The following DNAH14 variants were observed in gnomAD, a reference collection of about 807,000 sequenced individuals.
The protein encoded by DNAH14 is dynein axonemal heavy chain 14.
Under a neutral mutation model 520.9 loss-of-function variants are expected in DNAH14, and 478 were observed. That is an observed-to-expected ratio of 0.92 (90% CI 0.85 to 0.99). The LOEUF (loss-of-function observed/expected upper bound fraction) is 0.99. DNAH14 is among the 50% of genes least tolerant of loss of function. The pLI is 0.00. For missense variants in DNAH14, 4,831 were observed against 5,234.5 expected (o/e 0.92, Z 2.38); for synonymous variants, 1,581 against 1,757.2 (o/e 0.90, Z 2.51).
chr1:225,190,802 A>T (rs543186734), intron 37 of DNAH14, among the ~76,000 whole-genome samples: 2 of 152,126 alleles, frequency 1.3e-5, no homozygotes, highest in South Asian at 4.1e-4. Flanking sequence ...TAACAACTTC[A>T]TCTTAGACTT....
chr1:225,015,437 CCT>C (rs1431344006), intron 10 of DNAH14, among the ~76,000 whole-genome samples: 3 of 152,070 alleles, frequency 2.0e-5, no homozygotes, highest in Non-Finnish European at 4.4e-5. Flanking sequence ...GATTGATTTG[CCT>C]CTCTCCTTTG....
intron 58 of DNAH14, among the ~76,000 whole-genome samples, chr1:225,305,481 C>A (rs2150094337): frequency 6.6e-6 from 1 of 152,256 alleles, no homozygotes; most frequent in South Asian, 2.1e-4. Context: ...AGTTTTATAG[C>A]CAGCAGTGGT....
rs144502274 is a variant in DNAH14, at chr1:225,239,415, C to T, written c.6519-1178C>T. Among the ~76,000 whole-genome samples, 217 of 152,214 alleles carry T rather than the reference C, an allele frequency of 1.4e-3. 3 individuals carry two copies. In the East Asian group the frequency reaches 0.037, roughly 26 times the overall value. On this transcript the variant is annotated intron_variant, in intron 42 of 85. Coordinates refer to ENST00000682510, the MANE Select transcript of DNAH14 (RefSeq NM_001367479.1). ...CCACACTTGGCTGGGGTTCCCTTGG[C>T]TGGGGGTGGAAGGGGGTTCCTTTGG...
At chr1:225,071,735 G>A (rs2071567821) in intron 17 of DNAH14, among the ~76,000 whole-genome samples, 1 of 152,184 alleles carries the variant, frequency 6.6e-6, no homozygotes, top group Non-Finnish European at 1.5e-5. Flanking sequence ...ATGGTAGAAG[G>A]GGAAGCAAGC....
chr1:225,361,921 C>T (rs2095496704), intron 75 of DNAH14, among the ~76,000 whole-genome samples: 1 of 152,156 alleles, frequency 6.6e-6, no homozygotes, highest in African/African-American at 2.4e-5. Flanking sequence ...TATTTCATGA[C>T]TTAAGAGAAT....
chr1:224,940,965 G>A (rs1281516488), intron 1 of DNAH14, among the ~76,000 whole-genome samples: 3 of 152,144 alleles, frequency 2.0e-5, no homozygotes, highest in Non-Finnish European at 4.4e-5. Flanking sequence ...TGTGAATAGT[G>A]CCGCAATTAA....
chr1:225,261,809 T>G (rs898945843), intron 46 of DNAH14, among the ~76,000 whole-genome samples: 8 of 152,110 alleles, frequency 5.3e-5, no homozygotes, highest in African/African-American at 2.4e-5. Context: ...TGATTCAATT[T>G]CTTTACTATG....
At position 225,346,607 on chromosome 1, in the gene DNAH14, G is replaced by T. The variant is rs764981662; in HGVS notation, c.11249G>T (p.Gly3750Val). ...GAATGGAACATCTTTTTATATTCTG[G>T]CATATTGATAAATATTAAAAGTGCA... ...EEEWNIFLYS[G>V]ILINIKSALS... Residue 3750 changes from glycine (G) to valine (V), a missense_variant, in exon 71 of 86, where the codon GGC becomes GTC. Coordinates refer to ENST00000682510, the MANE Select transcript of DNAH14 (RefSeq NM_001367479.1). The T allele has an allele frequency of 1.7e-5, 27 of 1,549,928 alleles. 1 individual carries two copies. The African/African-American group carries it at 3.3e-4, about 19-fold the overall frequency.
chr1:225,239,329 G>A lies in DNAH14; in HGVS notation c.6519-1264G>A, dbSNP rs555001319. 4.6e-5 allele frequency among the ~76,000 whole-genome samples: 7 copies of A among 152,234 alleles called. No individual in the cohort carries two copies. The East Asian group carries it at 1.4e-3, about 29-fold the overall frequency. Reference sequence around the variant, plus strand: ...GCCCCTGGTGGCATGGGCTCACGGGGGATCTCCTGATCTGTGGGTTGCAAA... The same window carrying A: ...GCCCCTGGTGGCATGGGCTCACGGGAGATCTCCTGATCTGTGGGTTGCAAA... On this transcript the variant is annotated intron_variant, in intron 42 of 85. Transcript: ENST00000682510.
Position 225,346,525 on chromosome 1 carries a change from C to A in DNAH14, c.11167C>A (p.Gln3723Lys). 1 of 1,551,174 alleles carries A rather than the reference C, an allele frequency of 6.4e-7. No homozygotes were observed. The highest frequency in any genetic ancestry group is 8.7e-7 in the Non-Finnish European group (1 of 1,146,768). ...FSFRLCTVIM[Q>K]NNANGNLIQD... Reference sequence around the variant, plus strand: ...TTTTCGGCTTTGCACTGTAATCATGCAAAACAATGCTAATGGAAATCTAAT... The same window carrying A: ...TTTTCGGCTTTGCACTGTAATCATGAAAAACAATGCTAATGGAAATCTAAT... The change falls in exon 71 of 86, where the codon CAA (glutamine) becomes AAA (lysine). Residue 3723 changes from glutamine to lysine, a missense_variant. Physicochemically the swap from Gln to Lys is moderately conservative, Grantham distance 53 (BLOSUM62 1). Coordinates refer to ENST00000682510, the MANE Select transcript of DNAH14 (RefSeq NM_001367479.1).
intron 83 of DNAH14, among the ~76,000 whole-genome samples, chr1:225,391,038 C>T (rs1167472698): frequency 1.3e-5 from 2 of 152,152 alleles, no homozygotes; most frequent in Non-Finnish European, 2.9e-5. Flanking sequence ...GGACAGCATT[C>T]TTACTAGAGA....
chr1:225,045,487 C>T (rs2067874300), intron 15 of DNAH14, among the ~76,000 whole-genome samples: 1 of 152,076 alleles, frequency 6.6e-6, no homozygotes, highest in African/African-American at 2.4e-5. Context: ...TCCCGGATCA[C>T]ACATTGCATA....
chr1:225,184,311 A>G (rs1233087561), intron 36 of DNAH14, among the ~76,000 whole-genome samples: 1 of 148,596 alleles, frequency 6.7e-6, no homozygotes, highest in Non-Finnish European at 1.5e-5. Context: ...GATTCACCAC[A>G]TAAACAGAAT....
chr1:225,206,937 C>T (rs772333764), intron 40 of DNAH14, 31 bp from the exon 41 acceptor site: 1 of 1,415,366 alleles, frequency 7.1e-7, no homozygotes, highest in Non-Finnish European at 9.3e-7. Context: ...TATTTATTTA[C>T]ATAAGATTAT....
At position 225,211,980 on chromosome 1, in the gene DNAH14, A is replaced by G. The variant is rs559232799; in HGVS notation, c.6439+4760A>G. 5.0e-3 allele frequency among the ~76,000 whole-genome samples: 755 copies of G among 151,980 alleles called. 8 individuals are homozygous for G. Among genetic ancestry groups the G allele is most frequent in the African/African-American group, 0.017 (713 of 41,428 alleles). Reference sequence around the variant, plus strand: ...GTGCAGGTTTGTTACGTATGTATACATGTGCCTTGTTGGTGTGCTGCACCT... The same window carrying G: ...GTGCAGGTTTGTTACGTATGTATACGTGTGCCTTGTTGGTGTGCTGCACCT... On this transcript the variant is annotated intron_variant, in intron 41 of 85. Transcript: ENST00000682510.
intron 17 of DNAH14, among the ~76,000 whole-genome samples, chr1:225,075,991 A>AGCCTGGGTCAACAGATGGAAAG (rs372178554): frequency 2.6e-5 from 4 of 152,006 alleles, no homozygotes. Context: ...TGGCTGGTCC[A>AGCCTGGGTCAACAGATGGAAAG]GCCTAGGGCC....
intron 79 of DNAH14, among the ~76,000 whole-genome samples, chr1:225,377,646 G>C (rs2095718466): frequency 6.6e-6 from 1 of 152,032 alleles, no homozygotes; most frequent in African/African-American, 2.4e-5. Flanking sequence ...TGTAGTCCCA[G>C]TAACTTGCGA....
chr1:225,265,138 A>C, intron 47 of DNAH14, 44 bp from the exon 48 acceptor site: 1 of 1,312,904 alleles, frequency 7.6e-7, no homozygotes, highest in Non-Finnish European at 1.0e-6. Context: ...AATGTTCTTA[A>C]AGTGTCCTAA....
At chr1:225,133,561 CTCTG>C (rs1401857587) in intron 27 of DNAH14, among the ~76,000 whole-genome samples, 1 of 152,110 alleles carries the variant, frequency 6.6e-6, no homozygotes. Flanking sequence ...TTTCTGGGTT[CTCTG>C]TTCTGTTACA....
Sources: gnomAD v4.1 joint callset for allele counts (sites outside exome capture counted in the v4.1 genomes callset) on GRCh38, gnomAD v4.1.1 for gene constraint, MANE v1.5 for transcripts, NCBI Gene and HGNC (gene_info 2026-07-23, HGNC 2026-07-21) for gene names.